Variants in RPL19 observed in about 807,000 individuals in gnomAD.
RPL19 encodes large ribosomal subunit protein eL19.
Under a neutral mutation model 25.1 loss-of-function variants are expected in RPL19, and 2 were observed. The ratio of observed to expected loss-of-function variants is 0.08; its 90% CI spans 0.03 to 0.25. The LOEUF is 0.25. Ranked by LOEUF, RPL19 falls within the 10% of genes least tolerant of loss-of-function variation. The probability of loss-of-function intolerance (pLI) is 1.00; values close to 1 mark genes in which losing one functional copy is unlikely to be tolerated. For synonymous variants in RPL19, 89 were observed against 91.2 expected, an observed-to-expected ratio of 0.98 and a Z score of 0.14; for missense variants, 123 against 271.8, an observed-to-expected ratio of 0.45 and a Z score of 3.85.
At chr17:39,204,323 C>T in intron 5 of RPL19, 136 bp downstream of exon 5, 1 of 819,422 alleles carries the variant, frequency 1.2e-6, no homozygotes, top group Non-Finnish European at 2.0e-6. Flanking sequence ...CCCTTAGAGG[C>T]ACCCACTCCT....
At chr17:39,202,290 C>T (rs2046295980) in intron 2 of RPL19, 27 bp from the exon 3 acceptor site, 2 of 1,612,418 alleles carry the variant, frequency 1.2e-6, no homozygotes, top group Non-Finnish European at 1.7e-6. Context: ...CCCCAGTTGA[C>T]TGACCAGGTG....
rs1481331799 is a variant in RPL19, at chr17:39,204,557, A to G, written c.500A>G (p.Lys167Arg). Reference sequence around the variant, plus strand: ...GCTGAGGCCCGCAGGTCTAAGACCAAGGAAGCACGCAAGCGCCGTGAAGAG... The same window carrying G: ...GCTGAGGCCCGCAGGTCTAAGACCAGGGAAGCACGCAAGCGCCGTGAAGAG... ...DQAEARRSKT[K>R]EARKRREERL... The change falls in exon 6 of 6, where the codon AAG becomes AGG. Residue 167 changes from lysine to arginine, a missense_variant. Transcript: ENST00000225430. The G allele has an allele frequency of 6.2e-7, 1 of 1,614,084 alleles. No individual in the cohort carries two copies. Among genetic ancestry groups the G allele is most frequent in the Non-Finnish European group, 8.5e-7 (1 of 1,180,020 alleles).
chr17:39,201,842 G>A (rs959373963), intron 2 of RPL19, among the ~76,000 whole-genome samples: 22 of 152,306 alleles, frequency 1.4e-4, no homozygotes, highest in South Asian at 1.0e-3. Flanking sequence ...AGAGTGCTGG[G>A]ATTATCGACG....
At chr17:39,200,879 C>A in intron 1 of RPL19, 2 of 573,202 alleles carry the variant, frequency 3.5e-6, no homozygotes, top group South Asian at 5.8e-5. Flanking sequence ...GCCTGCATTC[C>A]TAGACTAGAA....
intron 1 of RPL19, chr17:39,200,797 C>T: frequency 9.8e-7 from 1 of 1,022,068 alleles, no homozygotes; most frequent in Non-Finnish European, 1.2e-6. Context: ...TAAAGGAAAT[C>T]TCTGCGAATA....
At chr17:39,202,824 T>A (rs867449412) in intron 3 of RPL19, 165 bp from the exon 4 acceptor site, 1 of 736,028 alleles carries the variant, frequency 1.4e-6, no homozygotes, top group Middle Eastern at 4.0e-4. Flanking sequence ...ACGAAAGAAC[T>A]TACGTAGTTG....
chr17:39,204,070 C>T lies in RPL19; in HGVS notation c.357-7C>T. On this transcript the variant is annotated splice_region_variant and splice_polypyrimidine_tract_variant and intron_variant, in intron 4 of 5. Transcript: ENST00000225430. The stretch of plus-strand genomic sequence containing the variant: ...ACCAGCATCTCTTCACTCCGTGTAC[C>T]CTGCAGGTATCACAGCCTGTACCTG... The T allele has an allele frequency of 6.5e-7, 1 of 1,541,496 alleles. No individual in the cohort carries two copies. The highest frequency in any genetic ancestry group is 9.0e-7 in the Non-Finnish European group (1 of 1,114,110).
intron 2 of RPL19, 126 bp from the exon 3 acceptor site, chr17:39,202,191 C>T: frequency 8.6e-7 from 1 of 1,167,990 alleles, no homozygotes; most frequent in Admixed American, 2.5e-5. Flanking sequence ...AAATAAGTTC[C>T]AGTGTTTCCA....
At position 39,204,507 on chromosome 17, in the gene RPL19, TTTCTC is replaced by T. The variant is rs779148803; in HGVS notation, c.468-14_468-10del. 35 of 1,613,700 alleles carry T rather than the reference TTTCTC, an allele frequency of 2.2e-5. No individual in the cohort carries two copies. The highest frequency in any genetic ancestry group is 4.5e-5 in the East Asian group (2 of 44,886). ...CATCTCTTCCCAAACTGACCCGTCT[TTTCTC>T]TTCCCTGACCAGTGACCAGGCTGAG... On this transcript the variant is annotated splice_polypyrimidine_tract_variant and intron_variant, in intron 5 of 5. Coordinates refer to ENST00000225430, the MANE Select transcript of RPL19 (RefSeq NM_000981.4).
At chr17:39,203,174 A>ATTTTTTTTTTTTTTTTTTTTTT (rs59332263) in intron 4 of RPL19, 65 bp downstream of exon 4, 1 of 499,594 alleles carries the variant, frequency 2.0e-6, no homozygotes, top group Non-Finnish European at 2.8e-6. Flanking sequence ...TTTCCCAGAG[A>ATTTTTTTTTTTTTTTTTTTTTT]TTTTTTTTTT....
rs139385432 is a variant in RPL19 at position 39,202,216 on chromosome 17, G to A, written c.113-101G>A. The A allele has an allele frequency of 3.2e-4, 458 of 1,431,826 alleles. No homozygotes were observed. The African/African-American group carries it at 5.6e-3, about 18-fold the overall frequency. 88.7% of individuals were successfully genotyped at this position (1,431,826 alleles called of 1,614,324 possible). Reference sequence around the variant, plus strand: ...CAGTGTTTCCATCCTTTTTGAGACCGTGGGGCCAAGAATGTGAGCAGTGTC... The same window carrying A: ...CAGTGTTTCCATCCTTTTTGAGACCATGGGGCCAAGAATGTGAGCAGTGTC... On this transcript the variant is annotated intron_variant, in intron 2 of 5. Coordinates refer to ENST00000225430, the MANE Select transcript of RPL19 (RefSeq NM_000981.4).
intron 2 of RPL19, 67 bp downstream of exon 2, chr17:39,201,386 C>A: frequency 8.5e-6 from 8 of 940,184 alleles, no homozygotes; most frequent in Non-Finnish European, 1.2e-5. Flanking sequence ...TTAATGATAA[C>A]ACAATTGTGT....
Position 39,201,193 on chromosome 17 carries a change from C to T in RPL19, c.6-20C>T, listed in dbSNP as rs368344122. On this transcript the variant is annotated intron_variant, in intron 1 of 5. Transcript: ENST00000225430. ...CCAGGATTGGCTTTCAGAGTCTAAT[C>T]ATGTTTTCTGTGTGTCTAGTATGCT... 5 of 1,545,392 alleles carry T rather than the reference C, an allele frequency of 3.2e-6. No homozygotes were observed. Among genetic ancestry groups the T allele is most frequent in the Admixed American group, 1.8e-5 (1 of 56,848 alleles).
In RPL19 at chr17:39,203,027, A is replaced by C; in HGVS notation, c.274A>C (p.Lys92Gln). 1 of 1,613,972 alleles carries C rather than the reference A, an allele frequency of 6.2e-7. No individual in the cohort carries two copies. Among genetic ancestry groups the C allele is most frequent in the African/African-American group, 1.3e-5 (1 of 74,980 alleles). ...KGTANARMPE[K>Q]VTWMRRMRIL... ...TACAGCCAATGCCCGAATGCCAGAG[A>C]AGGTCACATGGATGAGGAGAATGAG... The change falls in exon 4 of 6, where the codon AAG becomes CAG. Residue 92 changes from lysine (K) to glutamine (Q), a missense_variant. Transcript: ENST00000225430.
intron 5 of RPL19, 26 bp from the exon 6 acceptor site, chr17:39,204,499 A>G (rs1405998358): frequency 3.1e-6 from 5 of 1,613,152 alleles, no homozygotes; most frequent in Non-Finnish European, 4.2e-6. Context: ...TCCCAAACTG[A>G]CCCGTCTTTT....
chr17:39,202,394 C>G lies in RPL19; in HGVS notation c.190C>G (p.Arg64Gly), dbSNP rs2228666. ...GACGGTCCATTCCCGGGCTCGATGC[C>G]GGAAAAACACCTTGGCCCGCCGGAA... Reference protein sequence around the residue: ...PVTVHSRARCRKNTLARRKGR... With the variant: ...PVTVHSRARCGKNTLARRKGR... Residue 64 changes from arginine (R) to glycine (G), a missense_variant, in exon 3 of 6, where the codon CGG becomes GGG. Arg to Gly is a moderately radical substitution (Grantham distance 125, BLOSUM62 -2). Transcript: ENST00000225430. 6.2e-7 allele frequency: 1 copy of G among 1,614,136 alleles called. No individual in the cohort carries two copies.
At chr17:39,204,033 G>T (rs769018555) in intron 4 of RPL19, 44 bp from the exon 5 acceptor site, 3 of 1,109,992 alleles carry the variant, frequency 2.7e-6, no homozygotes, top group Non-Finnish European at 4.2e-6. Context: ...GGCAGCCTCT[G>T]ATCCATCACC....
At position 39,202,429 on chromosome 17, in the gene RPL19, C is replaced by T. The variant is rs3025213; in HGVS notation, c.225C>T (p.His75=). The change falls in exon 3 of 6, where the codon CAC becomes CAT. Residue 75 remains histidine, a synonymous_variant. Transcript: ENST00000225430. ...CCTTGGCCCGCCGGAAGGGCAGGCA[C>T]ATGGGCATAGGTAAGTGTGGTCATC... ...KNTLARRKGR[H]MGIGKRKGTA... is the part of the protein sequence containing the mutation. 2 of 1,614,100 alleles carry T rather than the reference C, an allele frequency of 1.2e-6. No homozygotes were observed. The highest frequency in any genetic ancestry group is 2.7e-5 in the African/African-American group (2 of 74,940).
At position 39,202,339 on chromosome 17, in the gene RPL19, C is replaced by T. The variant is rs553953264; in HGVS notation, c.135C>T (p.Ile45=). Residue 45 remains isoleucine (I), a synonymous_variant, in exon 3 of 6, where the codon ATC becomes ATT. Coordinates refer to ENST00000225430, the MANE Select transcript of RPL19 (RefSeq NM_000981.4). The part of the protein sequence containing the change: ...ANSRQQIRKL[I]KDGLIIRKPV... The stretch of plus-strand genomic sequence containing the variant: ...CAGGTCAGCAGATCCGGAAGCTCAT[C>T]AAAGATGGGCTGATCATCCGCAAGC... 81 of 1,614,028 alleles carry T rather than the reference C, an allele frequency of 5.0e-5. No individual in the cohort carries two copies. The South Asian group carries it at 7.1e-4, about 14-fold the overall frequency.
Sources: allele counts gnomAD v4.1 joint callset (sites outside exome capture counted in the v4.1 genomes callset), GRCh38; gene constraint gnomAD v4.1.1; transcripts MANE v1.5; gene names NCBI Gene and HGNC (gene_info 2026-07-23, HGNC 2026-07-21).